DIS3L2: variants seen among roughly 807,000 people sequenced by gnomAD.
DIS3L2 encodes the protein DIS3 like 3'-5' exoribonuclease 2.
A neutral mutation model predicts 97.5 loss-of-function variants in DIS3L2; 34 were observed. That is an observed-to-expected ratio of 0.35 (90% CI 0.27 to 0.46). The LOEUF is 0.46. DIS3L2 is among the 20% of genes least tolerant of loss of function. The pLI is 1.00. For missense variants in DIS3L2, 1,038 were observed against 1,146.0 expected (o/e 0.91, Z 1.36); for synonymous variants, 435 against 445.2 (o/e 0.98, Z 0.29).
intron 10 of DIS3L2, among the ~76,000 whole-genome samples, chr2:232,224,312 G>C (rs1692582402): frequency 6.6e-6 from 1 of 152,070 alleles, no homozygotes; most frequent in African/African-American, 2.4e-5. Flanking sequence ...GGAAAAATTG[G>C]TTTTGACCCC....
intron 5 of DIS3L2, among the ~76,000 whole-genome samples, chr2:232,042,938 G>C (rs1210800616): frequency 6.6e-6 from 1 of 152,210 alleles, no homozygotes; most frequent in Non-Finnish European, 1.5e-5. Context: ...ATTAGTCTTA[G>C]AAATGAGGAC....
chr2:232,119,973 C>G (rs1448262603), intron 6 of DIS3L2, among the ~76,000 whole-genome samples: 1 of 152,146 alleles, frequency 6.6e-6, no homozygotes, highest in Non-Finnish European at 1.5e-5. Context: ...CCTTTGCATT[C>G]CTTTATTCAT....
intron 6 of DIS3L2, among the ~76,000 whole-genome samples, chr2:232,116,915 G>A (rs1697735380): frequency 6.6e-6 from 1 of 152,114 alleles, no homozygotes; most frequent in East Asian, 1.9e-4. Flanking sequence ...TCCTGTAAGT[G>A]GAACCAGCCG....
chr2:232,016,850 T>C (rs1046499682), intron 3 of DIS3L2, among the ~76,000 whole-genome samples: 6 of 152,150 alleles, frequency 3.9e-5, no homozygotes, highest in African/African-American at 1.4e-4. Context: ...TGTTTTTGGC[T>C]GAAGATCTAA....
intron 6 of DIS3L2, among the ~76,000 whole-genome samples, chr2:232,110,878 A>C (rs1697506703): frequency 6.6e-6 from 1 of 152,060 alleles, no homozygotes; most frequent in Admixed American, 6.6e-5. Context: ...CTTGAACTTA[A>C]AAGTTGGAAA....
chr2:232,315,151 C>A (rs1396799380), intron 14 of DIS3L2, among the ~76,000 whole-genome samples: 1 of 152,198 alleles, frequency 6.6e-6, no homozygotes, highest in Non-Finnish European at 1.5e-5. Flanking sequence ...CAGGCCAGGT[C>A]CCTGTTTGAT....
chr2:232,142,506 A>G (rs1015717456), intron 8 of DIS3L2, among the ~76,000 whole-genome samples: 5 of 151,994 alleles, frequency 3.3e-5, no homozygotes, highest in African/African-American at 7.3e-5. Flanking sequence ...ATAACCATCA[A>G]CCTCCTCTTA....
intron 1 of DIS3L2, chr2:231,978,612 A>G (rs567218264): frequency 6.6e-6 from 1 of 152,374 alleles, no homozygotes; most frequent in Admixed American, 6.5e-5. Context: ...AAAAGAAACC[A>G]GTCTCCTTTA....
intron 10 of DIS3L2, among the ~76,000 whole-genome samples, chr2:232,230,381 C>A (rs555606415): frequency 6.6e-6 from 1 of 152,202 alleles, no homozygotes; most frequent in African/African-American, 2.4e-5. Flanking sequence ...GTTTGAACAG[C>A]GGAACATCCC....
At chr2:232,155,929 G>A (rs1017058688) in intron 8 of DIS3L2, among the ~76,000 whole-genome samples, 2 of 151,842 alleles carry the variant, frequency 1.3e-5, no homozygotes, top group African/African-American at 4.8e-5. Context: ...GGCGGAGCTT[G>A]CAGTGAGCTG....
At position 231,977,922 on chromosome 2, in the gene DIS3L2, T is replaced by A. The variant is rs534498312; in HGVS notation, c.-94+16157T>A. On this transcript the variant is annotated intron_variant, in intron 1 of 20. Transcript: ENST00000325385. ...CTGAAGTGATTGTCAGTGGTTTGTGTTTGATCAGAAGATCCATTGCCCTTT... is the reference window on the plus strand; with the variant it reads ...CTGAAGTGATTGTCAGTGGTTTGTGATTGATCAGAAGATCCATTGCCCTTT... Among the ~76,000 whole-genome samples, 4 of 152,360 alleles carry A rather than the reference T, an allele frequency of 2.6e-5. No individual in the cohort carries two copies. In the South Asian group the frequency reaches 8.3e-4, roughly 32 times the overall value.
chr2:232,133,400 T>G (rs983139384), intron 7 of DIS3L2, among the ~76,000 whole-genome samples: 2 of 152,206 alleles, frequency 1.3e-5, no homozygotes, highest in African/African-American at 4.8e-5. Flanking sequence ...GACCTGCATG[T>G]TAAACCCCAA....
At chr2:232,318,550 A>C (rs1273569212) in intron 14 of DIS3L2, among the ~76,000 whole-genome samples, 1 of 152,152 alleles carries the variant, frequency 6.6e-6, no homozygotes, top group Admixed American at 6.5e-5. Context: ...GACAAAGGCC[A>C]GGGGGGAGGT....
At chr2:232,086,601 A>G (rs868310947) in intron 5 of DIS3L2, among the ~76,000 whole-genome samples, 81 of 115,256 alleles carry the variant, frequency 7.0e-4, no homozygotes, top group Middle Eastern at 4.2e-3. Flanking sequence ...ATATATATAT[A>G]TGTGTGTGTG....
At chr2:232,094,393 T>A (rs1696936484) in intron 6 of DIS3L2, among the ~76,000 whole-genome samples, 2 of 152,142 alleles carry the variant, frequency 1.3e-5, no homozygotes, top group Non-Finnish European at 2.9e-5. Context: ...GTCTGCGAGA[T>A]CTGTCAAATG....
intron 5 of DIS3L2, among the ~76,000 whole-genome samples, chr2:232,034,132 T>C (rs947902200): frequency 6.6e-6 from 1 of 152,210 alleles, no homozygotes; most frequent in African/African-American, 2.4e-5. Context: ...TATTAATTAC[T>C]GGCTCAATTT....
At chr2:232,219,260 T>G (rs904121032) in intron 10 of DIS3L2, among the ~76,000 whole-genome samples, 1 of 152,238 alleles carries the variant, frequency 6.6e-6, no homozygotes, top group African/African-American at 2.4e-5. Flanking sequence ...GCTTATTTCC[T>G]AAGAGCAGGG....
At chr2:232,339,768 G>A (rs1351473923), downstream of DIS3L2, 2 of 454,902 alleles carry the variant, frequency 4.4e-6, no homozygotes, top group East Asian at 6.9e-5. Context: ...CCTTTTGGGA[G>A]CGCAGGCAGG....
chr2:232,063,754 G>A (rs960336615), intron 5 of DIS3L2, among the ~76,000 whole-genome samples: 34 of 151,940 alleles, frequency 2.2e-4, no homozygotes, highest in Non-Finnish European at 1.5e-5. Flanking sequence ...TGCTTTGTGG[G>A]TGTACTTATT....
Sources: allele counts gnomAD v4.1 joint callset (sites outside exome capture counted in the v4.1 genomes callset), GRCh38; gene constraint gnomAD v4.1.1; transcripts MANE v1.5; gene names NCBI Gene and HGNC (gene_info 2026-07-23, HGNC 2026-07-21).